The following SORCS3 variants were observed in gnomAD, a reference collection of about 807,000 sequenced individuals.
SORCS3 encodes VPS10 domain-containing receptor SorCS3.
In SORCS3, 57 loss-of-function variants were observed where a neutral mutation model predicts 146.3. The ratio of observed to expected loss-of-function variants is 0.39; its 90% CI spans 0.31 to 0.49. SORCS3 has a LOEUF of 0.49. Among genes scored for constraint, SORCS3 ranks in the 20% least tolerant of loss-of-function variants. The probability of loss-of-function intolerance (pLI) is 0.92; values close to 1 mark genes in which losing one functional copy is unlikely to be tolerated. For missense variants in SORCS3, 1,341 were observed against 1,575.5 expected, an observed-to-expected ratio of 0.85 and a Z score of 2.52; for synonymous variants, 653 against 618.5, an observed-to-expected ratio of 1.06 and a Z score of -0.83.
In SORCS3 at chr10:105,200,105, C is replaced by T; in HGVS notation, c.2116C>T (p.Leu706=). The change falls in exon 15 of 27, where the codon CTG becomes TTG. Residue 706 remains leucine, a synonymous_variant. Coordinates refer to ENST00000369701, the MANE Select transcript of SORCS3 (RefSeq NM_014978.3). The part of the protein sequence containing the change: ...CTKEDYQTWH[L]LNQGEPCVMG... ...CAAGGAGGACTATCAGACCTGGCAC[C>T]TGCTCAATCAGGTACACACCCCAGG... 3 of 1,612,976 alleles carry T rather than the reference C, an allele frequency of 1.9e-6. No individual in the cohort carries two copies. The highest frequency in any genetic ancestry group is 2.5e-6 in the Non-Finnish European group (3 of 1,179,128).
chr10:104,712,568 A>G (rs527340810), intron 1 of SORCS3, among the ~76,000 whole-genome samples: 1 of 152,326 alleles, frequency 6.6e-6, no homozygotes, highest in South Asian at 2.1e-4. Flanking sequence ...CTTTCTTGTC[A>G]TAGGTGAGCT....
At chr10:105,133,790 C>A (rs2056038558) in intron 7 of SORCS3, among the ~76,000 whole-genome samples, 1 of 151,854 alleles carries the variant, frequency 6.6e-6, no homozygotes, top group Admixed American at 6.6e-5. Flanking sequence ...CCAGTCTCTA[C>A]AAAACATAAA....
chr10:104,792,318 T>C (rs2133500915), intron 1 of SORCS3, among the ~76,000 whole-genome samples: 1 of 152,282 alleles, frequency 6.6e-6, no homozygotes, highest in South Asian at 2.1e-4. Context: ...GGAAGATCTG[T>C]AGTAGGGCTT....
chr10:105,129,271 C>G (rs1406214944), intron 7 of SORCS3, among the ~76,000 whole-genome samples: 1 of 151,022 alleles, frequency 6.6e-6, no homozygotes, highest in East Asian at 2.0e-4. Flanking sequence ...AGATCTCTTG[C>G]AATATCTTCT....
At chr10:105,187,003 C>T (rs2056481415) in intron 14 of SORCS3, among the ~76,000 whole-genome samples, 1 of 152,002 alleles carries the variant, frequency 6.6e-6, no homozygotes, top group African/African-American at 2.4e-5. Flanking sequence ...CCAGACTTAT[C>T]TTCTACAGGT....
intron 4 of SORCS3, among the ~76,000 whole-genome samples, chr10:104,980,373 A>G (rs2054925335): frequency 6.6e-6 from 1 of 152,228 alleles, no homozygotes; most frequent in South Asian, 2.1e-4. Flanking sequence ...GAGATGGCAT[A>G]AAACACCTAG....
At chr10:105,230,020 C>T (rs1301090566) in intron 20 of SORCS3, among the ~76,000 whole-genome samples, 1 of 152,260 alleles carries the variant, frequency 6.6e-6, no homozygotes, top group East Asian at 1.9e-4. Context: ...TTCATATCTA[C>T]AATTAGTGAA....
rs186533785 is a variant in SORCS3 at position 105,264,563 on chromosome 10, T to G, written c.*1189T>G. 1 of 152,728 alleles carries G rather than the reference T, an allele frequency of 6.5e-6. No individual in the cohort carries two copies. Among genetic ancestry groups the G allele is most frequent in the Non-Finnish European group, 1.5e-5 (1 of 68,022 alleles). 9.5% of individuals were successfully genotyped at this position (152,728 alleles called of 1,614,324 possible). ...AGGCATTTGTGGAATTATGAGTTCA[T>G]GCAAAACTCTCCAGGCCAAGTAGGG... On this transcript the variant is annotated 3_prime_UTR_variant, in exon 27 of 27. Coordinates refer to ENST00000369701, the MANE Select transcript of SORCS3 (RefSeq NM_014978.3).
intron 7 of SORCS3, among the ~76,000 whole-genome samples, chr10:105,118,593 G>A (rs2133763224): frequency 6.6e-6 from 1 of 152,260 alleles, no homozygotes; most frequent in Admixed American, 6.5e-5. Flanking sequence ...ACGTGGAAAA[G>A]TTTTGAGCTT....
intron 2 of SORCS3, among the ~76,000 whole-genome samples, chr10:104,855,575 G>A (rs1429879570): frequency 6.6e-6 from 1 of 152,148 alleles, no homozygotes; most frequent in Non-Finnish European, 1.5e-5. Flanking sequence ...TTTCTTTGGA[G>A]TGATTGTAAA....
At chr10:104,782,463 G>T (rs1269531117) in intron 1 of SORCS3, among the ~76,000 whole-genome samples, 1 of 151,460 alleles carries the variant, frequency 6.6e-6, no homozygotes, top group East Asian at 1.9e-4. Flanking sequence ...ACACAGTACT[G>T]CTAGCAAGAT....
chr10:104,926,614 C>A (rs114956700), intron 3 of SORCS3, among the ~76,000 whole-genome samples: 1 of 152,170 alleles, frequency 6.6e-6, no homozygotes. Context: ...GGGCAGACAC[C>A]GGTCTAGGAG....
intron 1 of SORCS3, among the ~76,000 whole-genome samples, chr10:104,791,640 G>C (rs2017496465): frequency 1.3e-5 from 2 of 152,186 alleles, no homozygotes; most frequent in Non-Finnish European, 2.9e-5. Flanking sequence ...AGGCTCTGCA[G>C]GGACTAAGGA....
chr10:104,895,818 A>C (rs2133586428), intron 2 of SORCS3, among the ~76,000 whole-genome samples: 1 of 152,340 alleles, frequency 6.6e-6, no homozygotes, highest in East Asian at 1.9e-4. Flanking sequence ...TGAATTAAGC[A>C]GGCAATTTCC....
intron 2 of SORCS3, among the ~76,000 whole-genome samples, chr10:104,913,930 A>C (rs928763919): frequency 6.6e-6 from 1 of 151,864 alleles, no homozygotes; most frequent in Non-Finnish European, 1.5e-5. Flanking sequence ...CACCATGCCC[A>C]GCTAATTTTT....
At chr10:104,721,263 G>T (rs2016544164) in intron 1 of SORCS3, among the ~76,000 whole-genome samples, 1 of 152,094 alleles carries the variant, frequency 6.6e-6, no homozygotes, top group African/African-American at 2.4e-5. Flanking sequence ...TTTTTGTCAG[G>T]TTTGTCAAAG....
At chr10:104,742,106 G>A (rs1355981904) in intron 1 of SORCS3, among the ~76,000 whole-genome samples, 1 of 151,920 alleles carries the variant, frequency 6.6e-6, no homozygotes, top group Admixed American at 6.6e-5. Flanking sequence ...GATAGTGGTG[G>A]GGGACAGGGG....
intron 1 of SORCS3, among the ~76,000 whole-genome samples, chr10:104,840,091 G>C (rs1231529957): frequency 1.3e-5 from 2 of 152,124 alleles, no homozygotes; most frequent in Non-Finnish European, 2.9e-5. Context: ...GTGGGGTGTG[G>C]GCTTGGCAAG....
intron 2 of SORCS3, among the ~76,000 whole-genome samples, chr10:104,904,873 A>G (rs1325299419): frequency 6.6e-6 from 1 of 151,084 alleles, no homozygotes; most frequent in African/African-American, 2.4e-5. Context: ...CATTCCTTTT[A>G]TCCAAGGCTG....
Sources: allele counts gnomAD v4.1 joint callset (sites outside exome capture counted in the v4.1 genomes callset), GRCh38; gene constraint gnomAD v4.1.1; transcripts MANE v1.5; gene names NCBI Gene and HGNC (gene_info 2026-07-23, HGNC 2026-07-21).